CALN1: variants seen among roughly 807,000 people sequenced by gnomAD.
CALN1 encodes the protein calcium-binding protein 8.
A neutral mutation model predicts 30.6 loss-of-function variants in CALN1; 17 were observed. The ratio of observed to expected loss-of-function variants is 0.56; its 90% confidence interval spans 0.38 to 0.83. The LOEUF is 0.83. Among genes scored for constraint, CALN1 ranks in the 40% least tolerant of loss-of-function variants. The pLI, the probability that CALN1 is intolerant of heterozygous loss-of-function variation, is 0.00. For synonymous variants in CALN1, 156 were observed against 131.4 expected (o/e 1.19, Z -1.28); for missense variants, 291 against 354.9 (o/e 0.82, Z 1.45).
intron 3 of CALN1, among the ~76,000 whole-genome samples, chr7:72,265,618 C>T (rs965812903): frequency 6.6e-6 from 1 of 151,928 alleles, no homozygotes; most frequent in Non-Finnish European, 1.5e-5. Context: ...ATGAAAGGTT[C>T]CCCAGGAACA....
At chr7:71,851,147 C>T (rs1790615241) in intron 5 of CALN1, among the ~76,000 whole-genome samples, 1 of 151,134 alleles carries the variant, frequency 6.6e-6, no homozygotes, top group Non-Finnish European at 1.5e-5. Flanking sequence ...ACCCAAGTTA[C>T]AGTGACCTGT....
rs115945862 is a variant in CALN1, at chr7:71,950,715, C to T, written c.501+72942G>A. On this transcript the variant is annotated intron_variant, in intron 5 of 6. Transcript: ENST00000395275. ...AAACTTAAAGCTGCTTCAGACCACA[C>T]AGGGAATCACGTCCATACTCCTACC... 6.9e-3 allele frequency among the ~76,000 whole-genome samples: 1,053 copies of T among 152,286 alleles called. 8 individuals are homozygous for T. The highest frequency in any genetic ancestry group is 0.023 in the African/African-American group (945 of 41,562).
chr7:71,949,805 A>G, intron 5 of CALN1, among the ~76,000 whole-genome samples: 1 of 151,494 alleles, frequency 6.6e-6, no homozygotes. Flanking sequence ...TTTGTCGCCC[A>G]GGCTGGAGTG....
intron 4 of CALN1, among the ~76,000 whole-genome samples, chr7:72,059,384 G>A (rs1803491954): frequency 6.6e-6 from 1 of 152,066 alleles, no homozygotes; most frequent in African/African-American, 2.4e-5. Flanking sequence ...GAAAATATGG[G>A]CAGATTGAAG....
At chr7:71,807,246 G>A (rs1787676117) in intron 6 of CALN1, among the ~76,000 whole-genome samples, 1 of 152,136 alleles carries the variant, frequency 6.6e-6, no homozygotes, top group African/African-American at 2.4e-5. Context: ...CAATATGGAA[G>A]CAAAGGGTCT....
the CALN1 span, among the ~76,000 whole-genome samples, chr7:72,464,749 C>A: frequency 6.6e-6 from 1 of 152,368 alleles, no homozygotes; most frequent in Non-Finnish European, 1.5e-5. Flanking sequence ...ACAGGAGGAA[C>A]TGGCACTGAT....
intron 5 of CALN1, among the ~76,000 whole-genome samples, chr7:71,860,011 T>A (rs988512207): frequency 2.6e-5 from 4 of 152,148 alleles, no homozygotes; most frequent in African/African-American, 9.7e-5. Flanking sequence ...TTAAAGAGAA[T>A]AATATCAATT....
chr7:72,168,805 A>ATTAT (rs1336334048), intron 3 of CALN1, among the ~76,000 whole-genome samples: 60 of 128,482 alleles, frequency 4.7e-4, no homozygotes, highest in Admixed American at 1.1e-3. Context: ...TATTATTATT[A>ATTAT]TTTTTTTTTT....
chr7:71,832,757 C>T (rs568615207), intron 5 of CALN1, among the ~76,000 whole-genome samples: 112 of 151,864 alleles, frequency 7.4e-4, no homozygotes, highest in African/African-American at 2.5e-3. Context: ...TGCACTATCA[C>T]GCCAGGCTAA....
intron 2 of CALN1, among the ~76,000 whole-genome samples, chr7:72,398,038 T>C (rs2129561822): frequency 6.6e-6 from 1 of 152,166 alleles, no homozygotes; most frequent in African/African-American, 2.4e-5. Flanking sequence ...TGTGGGGAAG[T>C]AGGACCATTG....
intron 4 of CALN1, among the ~76,000 whole-genome samples, chr7:72,057,360 TA>T (rs1385193802): frequency 6.8e-6 from 1 of 147,814 alleles, no homozygotes; most frequent in East Asian, 2.1e-4. Context: ...GGCATTTAGA[TA>T]AAAAGTTCCT....
rs1800520023 is a variant in CALN1 at position 72,317,076 on chromosome 7, C to CAAAAAAGAGAGAGAG, written c.120-38267_120-38266insCTCTCTCTCTTTTTT. On this transcript the variant is annotated intron_variant, in intron 2 of 6. Transcript: ENST00000395275. ...AAAGAGAGAGAGAGAAAGAGAGACACAGAAAGAGAGAGAGAGAGGGAGGGA... is the reference window on the plus strand; with the variant it reads ...AAAGAGAGAGAGAGAAAGAGAGACACAAAAAAGAGAGAGAGAGAAAGAGAGAGAGAGAGGGAGGGA... Among the ~76,000 whole-genome samples the CAAAAAAGAGAGAGAG allele has an allele frequency of 4.4e-5, 4 of 91,822 alleles. No individual in the cohort carries two copies. The Admixed American group carries it at 4.5e-4, about 10-fold the overall frequency. The allele number at this position is 91,822 out of a possible 152,430, so 60.2% of individuals were successfully genotyped here. A position where few individuals can be genotyped will look rare whatever the true frequency, so the allele number is the denominator to read the frequency against.
intron 5 of CALN1, among the ~76,000 whole-genome samples, chr7:71,857,328 G>A (rs929184420): frequency 2.0e-5 from 3 of 152,070 alleles, no homozygotes; most frequent in Non-Finnish European, 4.4e-5. Flanking sequence ...CCCGCCTCTG[G>A]CACTGTCATA....
chr7:72,377,223 G>C (rs1442487907), intron 2 of CALN1, among the ~76,000 whole-genome samples: 2 of 152,180 alleles, frequency 1.3e-5, no homozygotes, highest in African/African-American at 2.4e-5. Flanking sequence ...CACAAAGGCA[G>C]TTAGAATTTT....
rs533114774 is a variant in CALN1, at chr7:72,114,943, A to G, written c.245-8649T>C. On this transcript the variant is annotated intron_variant, in intron 3 of 6. Coordinates refer to ENST00000395275, the MANE Select transcript of CALN1 (RefSeq NM_031468.4). ...TGGGAGGCAGGGGTTGCAGTGAGCC[A>G]AGATCATATCATTGCACTCCAGCCT... Among the ~76,000 whole-genome samples, 10 of 152,136 alleles carry G rather than the reference A, an allele frequency of 6.6e-5. 1 individual carries two copies. The South Asian group carries it at 2.1e-3, about 32-fold the overall frequency.
At position 72,437,781 on chromosome 7, in the gene CALN1, CCCTTCCTTCCTTTCCTTCCTA is replaced by C. The variant is rs1475441053; in HGVS notation, c.-226+9240_-226+9260del. ...TTCCTTCCTTCTTTCTTTCCTTCCT[CCCTTCCTTCCTTTCCTTCCTA>C]CCTTCCTTCCTTCTTTCCTTCCTTC... On this transcript the variant is annotated intron_variant, in intron 1 of 6. Transcript: ENST00000395276. Among the ~76,000 whole-genome samples the C allele has an allele frequency of 6.0e-5, 8 of 133,670 alleles. No homozygotes were observed. In the East Asian group the frequency reaches 9.9e-4, roughly 16 times the overall value. The allele number at this position is 133,670 out of a possible 152,430, so 87.7% of individuals were successfully genotyped here.
intron 1 of CALN1, among the ~76,000 whole-genome samples, chr7:72,441,557 C>T (rs900827332): frequency 7.0e-6 from 1 of 142,724 alleles, no homozygotes; most frequent in African/African-American, 2.7e-5. Context: ...AAGATTGCAC[C>T]ATTGCACTCC....
intron 5 of CALN1, among the ~76,000 whole-genome samples, chr7:71,880,804 A>G (rs768591322): frequency 2.0e-5 from 3 of 152,116 alleles, no homozygotes; most frequent in Non-Finnish European, 4.4e-5. Flanking sequence ...GTTACTTGCT[A>G]TTTGTCAGGA....
intron 2 of CALN1, chr7:72,336,712 G>C: frequency 5.1e-6 from 5 of 985,508 alleles, no homozygotes; most frequent in African/African-American, 1.7e-5. Context: ...ACCTCTTGCT[G>C]GGCCGGGGCT....
Sources: gnomAD v4.1 joint callset for allele counts (sites outside exome capture counted in the v4.1 genomes callset) on GRCh38, gnomAD v4.1.1 for gene constraint, MANE v1.5 for transcripts, NCBI Gene and HGNC (gene_info 2026-07-23, HGNC 2026-07-21) for gene names.